PCED1A: variants seen among roughly 807,000 people sequenced by gnomAD.
PCED1A encodes the protein PC-esterase domain containing 1A.
Under a neutral mutation model 41.9 loss-of-function variants are expected in PCED1A, and 20 were observed. That is an observed-to-expected ratio of 0.48 (90% CI 0.34 to 0.69). The LOEUF is 0.69. PCED1A is among the 30% of genes least tolerant of loss of function. The pLI is 0.01. For missense variants in PCED1A, 498 were observed against 602.1 expected, an observed-to-expected ratio of 0.83 and a Z score of 1.81; for synonymous variants, 236 against 241.3, an observed-to-expected ratio of 0.98 and a Z score of 0.20.
rs772833874 is a variant in PCED1A, at chr20:2,838,465, G to A, written c.608C>T (p.Ala203Val). The A allele has an allele frequency of 6.2e-7, 1 of 1,614,220 alleles. No homozygotes were observed. The highest frequency in any genetic ancestry group is 1.7e-5 in the Admixed American group (1 of 60,032). Residue 203 changes from alanine (A) to valine (V), a missense_variant, in exon 6 of 8, where the codon GCA becomes GTA. Ala to Val is a moderately conservative substitution (Grantham distance 64). Around this residue, in one of 2 missense-constraint regions of PCED1A, gnomAD observed 253 missense variants for 369.7 expected, o/e 0.68. Transcript: ENST00000360652. The surrounding 1 kb of genome is among the most constrained non-coding windows in gnomAD (Gnocchi z 5.8). ...AACCACATCCCGCCGCAGGGAGCCT[G>A]CCAGGGGCTGGAGCTAAGTGAGAAA... ...GFLLPELQPL[A>V]GSLRRDVVEG... is the part of the protein sequence containing the mutation.
chr20:2,839,545 G>C (rs2088908576), intron 2 of PCED1A, among the ~76,000 whole-genome samples: 1 of 152,220 alleles, frequency 6.6e-6, no homozygotes, highest in Admixed American at 6.5e-5. Context: ...ACGCTTTCGT[G>C]ATGGAAATTA....
chr20:2,838,868 T>TTGA lies in PCED1A; in HGVS notation c.416_418dup (p.Ile139dup). On this transcript the variant is annotated inframe_insertion, in exon 4 of 8. Transcript: ENST00000360652. This position sits in a 1 kb window ranked among gnomAD's most constrained non-coding sequence, Gnocchi z 5.8. ...CCTGGAGAGATCCCAGAGGCAGGAG[T>TTGA]TGATGATCACCAGGTCCGGGGCAGG... 1 of 1,613,886 alleles carries TTGA rather than the reference T, an allele frequency of 6.2e-7. No homozygotes were observed. Among genetic ancestry groups the TTGA allele is most frequent in the Non-Finnish European group, 8.5e-7 (1 of 1,179,970 alleles).
chr20:2,838,266 C>G lies in PCED1A; in HGVS notation c.807G>C (p.Trp269Cys). The change falls in exon 6 of 8, where the codon TGG becomes TGC. Residue 269 changes from tryptophan (W) to cysteine (C), a missense_variant. Trp to Cys is a radical substitution (Grantham distance 215, BLOSUM62 -2). Around this residue, in one of 2 missense-constraint regions of PCED1A, gnomAD observed 253 missense variants for 369.7 expected, o/e 0.68. Transcript: ENST00000360652. This position sits in a 1 kb window ranked among gnomAD's most constrained non-coding sequence, Gnocchi z 5.8. Reference sequence around the variant, plus strand: ...AGCCACGCTTGGGCAGCTCCACGCCCCAGGCGTCAGCCACATGGGTCAGAA... The same window carrying G: ...AGCCACGCTTGGGCAGCTCCACGCCGCAGGCGTCAGCCACATGGGTCAGAA... ...HLLLTHVADA[W>C]GVELPKRGYP... 1.2e-6 allele frequency: 2 copies of G among 1,614,232 alleles called. No individual in the cohort carries two copies. Among genetic ancestry groups the G allele is most frequent in the Non-Finnish European group, 1.7e-6 (2 of 1,180,036 alleles).
intron 7 of PCED1A, 143 bp from the exon 8 acceptor site, chr20:2,835,852 G>A (rs1291550321): frequency 1.8e-5 from 26 of 1,455,480 alleles, no homozygotes; most frequent in Admixed American, 2.7e-5. Flanking sequence ...ACCTTCAGAC[G>A]GTGAAACAGT....
intron 7 of PCED1A, 101 bp from the exon 8 acceptor site, chr20:2,835,810 C>A: frequency 6.7e-7 from 1 of 1,498,078 alleles, no homozygotes; most frequent in South Asian, 1.4e-5. Context: ...TCTCTGTTTC[C>A]CTATCTACAA....
At chr20:2,839,383 G>C in intron 2 of PCED1A, 112 bp from the exon 3 acceptor site, 2 of 980,664 alleles carry the variant, frequency 2.0e-6, no homozygotes, top group Admixed American at 2.2e-5. Context: ...CAGCTCTGTG[G>C]TTGACTTAGA....
chr20:2,839,084 T>TTGGGCCC lies in PCED1A; in HGVS notation c.205-3_205-2insGGGCCCA. 1 of 725,254 alleles carries TTGGGCCC rather than the reference T, an allele frequency of 1.4e-6. No homozygotes were observed. Among genetic ancestry groups the TTGGGCCC allele is most frequent in the Non-Finnish European group, 1.9e-6 (1 of 522,226 alleles). 44.9% of individuals were successfully genotyped at this position (725,254 alleles called of 1,614,324 possible). A position where few individuals can be genotyped will look rare whatever the true frequency, so the allele number is the denominator to read the frequency against. The stretch of plus-strand genomic sequence containing the variant: ...GTCCTGTTCAAAGCTCAGCTCCCCC[T>TTGGGCCC]ACCCACCCCCCCCACCCTACTGGTC... On this transcript the variant is annotated splice_region_variant and splice_polypyrimidine_tract_variant and intron_variant, in intron 3 of 7. Transcript: ENST00000360652.
At chr20:2,835,785 T>C (rs1188363178) in intron 7 of PCED1A, 76 bp from the exon 8 acceptor site, 2 of 1,505,876 alleles carry the variant, frequency 1.3e-6, no homozygotes, top group African/African-American at 1.4e-5. Flanking sequence ...GCAACTCTTG[T>C]CCTCCAGGTG....
Position 2,838,613 on chromosome 20 carries a change from C to A in PCED1A, c.577G>T (p.Gly193Cys). 6.2e-7 allele frequency: 1 copy of A among 1,614,196 alleles called. No individual in the cohort carries two copies. The highest frequency in any genetic ancestry group is 8.5e-7 in the Non-Finnish European group (1 of 1,180,028). Residue 193 changes from glycine (G) to cysteine (C), a missense_variant, in exon 5 of 8, where the codon GGT becomes TGT. Gly to Cys is a radical substitution (Grantham distance 159). Around this residue, in one of 2 missense-constraint regions of PCED1A, gnomAD observed 253 missense variants for 369.7 expected, o/e 0.68. Coordinates refer to ENST00000360652, the MANE Select transcript of PCED1A (RefSeq NM_022760.6). The surrounding 1 kb of genome is among the most constrained non-coding windows in gnomAD (Gnocchi z 5.8). The part of the protein sequence containing the change: ...AMPLGERITG[G>C]FLLPELQPLA... ...TCACTTGCCTCTGGCAGGAGGAAAC[C>A]CCCAGTGATACGTTCCCCGAGGGGC...
At position 2,840,496 on chromosome 20, in the gene PCED1A, T is replaced by C; in HGVS notation, c.-307A>G. 1.9e-6 allele frequency: 1 copy of C among 533,794 alleles called. No individual in the cohort carries two copies. The highest frequency in any genetic ancestry group is 3.3e-6 in the Non-Finnish European group (1 of 300,738). 33.1% of individuals were successfully genotyped at this position (533,794 alleles called of 1,614,324 possible). On this transcript the variant is annotated 5_prime_UTR_variant, in exon 1 of 8. Coordinates refer to ENST00000360652, the MANE Select transcript of PCED1A (RefSeq NM_022760.6). ...CAGCTTCCACTTCCGTTCACCCATG[T>C]CCCGCCCTGAGCGACCCCCAGTGCC...
Position 2,840,652 on chromosome 20 carries a change from T to A in PCED1A, c.-463A>T. ...GGCAGCCAAGTGAGGCTGCCCACAG[T>A]GGTGATGGCCGCGGCGGCGGCCTCG... On this transcript the variant is annotated 5_prime_UTR_variant, in exon 1 of 8. Coordinates refer to ENST00000360652, the MANE Select transcript of PCED1A (RefSeq NM_022760.6). The A allele has an allele frequency of 9.1e-7, 1 of 1,093,492 alleles. No individual in the cohort carries two copies. Among genetic ancestry groups the A allele is most frequent in the Non-Finnish European group, 1.4e-6 (1 of 736,702 alleles). The allele number at this position is 1,093,492 out of a possible 1,614,324, so 67.7% of individuals were successfully genotyped here.
chr20:2,839,654 TAAA>T (rs2088911718), intron 2 of PCED1A, 132 bp downstream of exon 2: 1 of 1,315,922 alleles, frequency 7.6e-7, no homozygotes, highest in African/African-American at 1.5e-5. Flanking sequence ...GTGTGGGACA[TAAA>T]AAGAGAAAAC....
Position 2,840,431 on chromosome 20 carries a change from A to ACGGCGCCTCAGGCCT in PCED1A, c.-257_-243dup. 7.6e-6 allele frequency: 3 copies of ACGGCGCCTCAGGCCT among 397,174 alleles called. No individual in the cohort carries two copies. Among genetic ancestry groups the ACGGCGCCTCAGGCCT allele is most frequent in the South Asian group, 5.5e-5 (2 of 36,670 alleles). 24.6% of individuals were successfully genotyped at this position (397,174 alleles called of 1,614,324 possible). ...CCATGCGAGCGTCGCTGTGGCCCCGACGGCGCCTCAGGCCTCGGCGCCTCG... is the reference window on the plus strand; with the variant it reads ...CCATGCGAGCGTCGCTGTGGCCCCGACGGCGCCTCAGGCCTCGGCGCCTCAGGCCTCGGCGCCTCG... On this transcript the variant is annotated 5_prime_UTR_variant, in exon 1 of 8. Transcript: ENST00000360652.
Position 2,840,585 on chromosome 20 carries a change from TTGGCGGGCGC to T in PCED1A, c.-406_-397del. On this transcript the variant is annotated 5_prime_UTR_variant, in exon 1 of 8. Coordinates refer to ENST00000360652, the MANE Select transcript of PCED1A (RefSeq NM_022760.6). ...GCGCAGGAGCCAGGGCTGGGCCCAC[TTGGCGGGCGC>T]GAAGCCCAGGTACGGGCTGGGGTCT... The T allele has an allele frequency of 1.6e-6, 1 of 635,892 alleles. No homozygotes were observed. Among genetic ancestry groups the T allele is most frequent in the Non-Finnish European group, 2.7e-6 (1 of 366,220 alleles). 39.4% of individuals were successfully genotyped at this position (635,892 alleles called of 1,614,324 possible). A position where few individuals can be genotyped will look rare whatever the true frequency, so the allele number is the denominator to read the frequency against.
chr20:2,835,393 C>A lies in PCED1A; in HGVS notation c.*69G>T. 1 of 1,537,542 alleles carries A rather than the reference C, an allele frequency of 6.5e-7. No homozygotes were observed. Among genetic ancestry groups the A allele is most frequent in the Non-Finnish European group, 8.8e-7 (1 of 1,136,644 alleles). On this transcript the variant is annotated 3_prime_UTR_variant, in exon 8 of 8. Transcript: ENST00000360652. ...TACCAGGCATAGCAGACACCCTAGC[C>A]CAGTACCTGAGGTGCCAGGCAGGCC...
chr20:2,839,314 C>CT, intron 2 of PCED1A, 43 bp from the exon 3 acceptor site: 2 of 1,584,938 alleles, frequency 1.3e-6, no homozygotes, highest in Non-Finnish European at 8.7e-7. Flanking sequence ...AGACCTCAGC[C>CT]TGCCCCAGCT....
chr20:2,839,548 G>A (rs2088908668), intron 2 of PCED1A, among the ~76,000 whole-genome samples: 1 of 152,204 alleles, frequency 6.6e-6, no homozygotes, highest in South Asian at 2.1e-4. Context: ...CTTTCGTGAT[G>A]GAAATTATGG....
In PCED1A at chr20:2,838,236, G is replaced by A; in HGVS notation, c.837C>T (p.Pro279=). The change falls in exon 6 of 8, where the codon CCC becomes CCT. Residue 279 remains proline (P), a synonymous_variant. Transcript: ENST00000360652. The surrounding 1 kb of genome is among the most constrained non-coding windows in gnomAD (Gnocchi z 5.8). ...CCCACTTATGGTAGGGCTCACCAGGGGGATAGCCACGCTTGGGCAGCTCCA... is the reference window on the plus strand; with the variant it reads ...CCCACTTATGGTAGGGCTCACCAGGAGGATAGCCACGCTTGGGCAGCTCCA... ...WGVELPKRGY[P]PDPWIEDWAE... The A allele has an allele frequency of 1.2e-6, 2 of 1,614,122 alleles. No individual in the cohort carries two copies. The highest frequency in any genetic ancestry group is 1.7e-6 in the Non-Finnish European group (2 of 1,180,028).
chr20:2,840,679 C>T (rs1057129195), upstream of PCED1A: 3 of 1,394,676 alleles, frequency 2.2e-6, no homozygotes, highest in Non-Finnish European at 3.0e-6. Context: ...GCGGCCTCGC[C>T]ACGTGACCCG....
Sources: allele counts gnomAD v4.1 joint callset (sites outside exome capture counted in the v4.1 genomes callset), GRCh38; gene constraint gnomAD v4.1.1; regional missense constraint gnomAD v4.1.1; non-coding constraint Gnocchi (gnomAD v3.1); transcripts MANE v1.5; gene names NCBI Gene and HGNC (gene_info 2026-07-23, HGNC 2026-07-21).